NEBL: variants seen among roughly 807,000 people sequenced by gnomAD.
The protein encoded by NEBL is nebulette, also known as LIM and SH3 protein 2.
In NEBL, 122 loss-of-function variants were observed where a neutral mutation model predicts 140.2. The ratio of observed to expected loss-of-function variants is 0.87; its 90% CI spans 0.75 to 1.01. The LOEUF is 1.01. Ranked by LOEUF, NEBL falls within the 50% of genes least tolerant of loss-of-function variation. The pLI is 0.00. For synonymous variants in NEBL, 436 were observed against 398.9 expected (o/e 1.09, Z -1.11); for missense variants, 1,365 against 1,231.3 (o/e 1.11, Z -1.62).
At chr10:20,975,131 T>C (rs1836735894) in intron 3 of NEBL, among the ~76,000 whole-genome samples, 1 of 152,246 alleles carries the variant, frequency 6.6e-6, no homozygotes, top group African/African-American at 2.4e-5. Flanking sequence ...CATAGGACCA[T>C]TCTTTTTCCT....
intron 7 of NEBL, among the ~76,000 whole-genome samples, chr10:20,862,164 C>T: frequency 6.6e-6 from 1 of 152,132 alleles, no homozygotes; most frequent in Admixed American, 6.5e-5. Context: ...TTAAACTGAA[C>T]CACTAGAAGT....
At chr10:21,146,139 A>G (rs952879554) in intron 2 of NEBL, among the ~76,000 whole-genome samples, 5 of 152,194 alleles carry the variant, frequency 3.3e-5, no homozygotes, top group Admixed American at 3.3e-4. Context: ...GAAACTGTGC[A>G]TTGTTAAACA....
At chr10:20,789,886 CAT>C (rs10554894) in intron 26 of NEBL, among the ~76,000 whole-genome samples, 14,621 of 149,276 alleles carry the variant, frequency 0.098, 888 homozygotes, top group African/African-American at 0.16. Context: ...TACACACACA[CAT>C]ATATATATGT....
At chr10:21,258,906 C>A (rs1322536246) in intron 1 of NEBL, among the ~76,000 whole-genome samples, 1 of 151,968 alleles carries the variant, frequency 6.6e-6, no homozygotes, top group Non-Finnish European at 1.5e-5. Flanking sequence ...TTGGGTCAGG[C>A]AATGTTCTAG....
chr10:20,840,316 T>G (rs1218357496), intron 13 of NEBL, among the ~76,000 whole-genome samples: 2 of 152,078 alleles, frequency 1.3e-5, no homozygotes, highest in African/African-American at 2.4e-5. Flanking sequence ...GAAACCACTT[T>G]CATTTGATAA....
At position 20,859,821 on chromosome 10, in the gene NEBL, T is replaced by C. The variant is rs1843485848; in HGVS notation, c.690A>G (p.Lys230=). 2 of 1,440,564 alleles carry C rather than the reference T, an allele frequency of 1.4e-6. No individual in the cohort carries two copies. The highest frequency in any genetic ancestry group is 2.0e-6 in the Non-Finnish European group (2 of 1,025,580). The allele number at this position is 1,440,564 out of a possible 1,614,324, so 89.2% of individuals were successfully genotyped here. A position where few individuals can be genotyped will look rare whatever the true frequency, so the allele number is the denominator to read the frequency against. Residue 230 remains lysine, a synonymous_variant, in exon 8 of 28, where the codon AAA becomes AAG. Coordinates refer to ENST00000377122, the MANE Select transcript of NEBL (RefSeq NM_006393.3). ...TTTCATTATCAAATTTTTCTTTGTA[T>C]TTAATCTGTCATAAAAGAGAAATAG... The part of the protein sequence containing the change: ...VEASKLSSQI[K]YKEKFDNEMK...
intron 3 of NEBL, among the ~76,000 whole-genome samples, chr10:21,186,485 T>C (rs1024717015): frequency 4.2e-4 from 64 of 152,248 alleles, no homozygotes; most frequent in African/African-American, 1.4e-3. Context: ...GATGCTCCAG[T>C]CTGTGATATA....
chr10:21,058,895 G>A (rs1564496137), intron 2 of NEBL, among the ~76,000 whole-genome samples: 2 of 152,108 alleles, frequency 1.3e-5, no homozygotes, highest in African/African-American at 4.8e-5. Flanking sequence ...TATTAGGTTT[G>A]GCTCCTACTA....
At chr10:20,837,280 A>C (rs1373072942) in intron 13 of NEBL, among the ~76,000 whole-genome samples, 2 of 152,240 alleles carry the variant, frequency 1.3e-5, no homozygotes, top group Non-Finnish European at 2.9e-5. Context: ...CACATGAATT[A>C]TAAGAATGTG....
intron 9 of NEBL, 119 bp downstream of exon 9, chr10:20,858,121 A>G: frequency 1.3e-6 from 1 of 770,356 alleles, no homozygotes. Flanking sequence ...GAGTTAGTTA[A>G]CGAGGGAGGA....
At chr10:21,000,419 C>T (rs1464043820) in intron 3 of NEBL, among the ~76,000 whole-genome samples, 1 of 152,030 alleles carries the variant, frequency 6.6e-6, no homozygotes, top group African/African-American at 2.4e-5. Context: ...AGTCCCCTGT[C>T]AAAAGTGACT....
Position 20,859,720 on chromosome 10 carries a change from G to T in NEBL, c.791C>A (p.Ala264Glu), listed in dbSNP as rs548922223. The change falls in exon 8 of 28, where the codon GCG becomes GAG. Residue 264 changes from alanine (A) to glutamate (E), a missense_variant. By Grantham distance (107) the Ala-to-Glu change is moderately radical (BLOSUM62 -1). Coordinates refer to ENST00000377122, the MANE Select transcript of NEBL (RefSeq NM_006393.3). ...FRQNQLAATL[A>E]SNVKYKKDIQ... ...CTATGAATTACAACTTACATTGCTC[G>T]CCAGTGTAGCAGCAAGCTGATTCTG... 6 of 1,577,178 alleles carry T rather than the reference G, an allele frequency of 3.8e-6. No individual in the cohort carries two copies. In the East Asian group the frequency reaches 9.0e-5, roughly 24 times the overall value.
intron 2 of NEBL, among the ~76,000 whole-genome samples, chr10:21,046,316 A>T (rs1472218698): frequency 6.6e-6 from 1 of 152,198 alleles, no homozygotes. Context: ...CATCATGATG[A>T]CTACAGTTAA....
intron 5 of NEBL, 82 bp downstream of exon 5, chr10:20,880,712 T>C (rs899831605): frequency 4.7e-6 from 5 of 1,067,594 alleles, no homozygotes. Flanking sequence ...TTGTAATGTT[T>C]AAATTTCAGC....
chr10:20,934,026 T>C (rs1834341671), intron 4 of NEBL, among the ~76,000 whole-genome samples: 1 of 152,218 alleles, frequency 6.6e-6, no homozygotes, highest in Admixed American at 6.5e-5. Context: ...TATGTTTTCA[T>C]TAATGTTGAA....
chr10:21,100,637 C>G (rs1404211730), intron 2 of NEBL, among the ~76,000 whole-genome samples: 9 of 152,102 alleles, frequency 5.9e-5, no homozygotes, highest in Non-Finnish European at 1.3e-4. Flanking sequence ...TAGATCATTT[C>G]TAATTTTCTC....
At chr10:21,043,421 A>G (rs1439891138) in intron 2 of NEBL, among the ~76,000 whole-genome samples, 2 of 152,218 alleles carry the variant, frequency 1.3e-5, no homozygotes, top group East Asian at 3.8e-4. Flanking sequence ...TAAACAGGAT[A>G]ATTAGCTCTT....
At chr10:21,001,391 T>C (rs918997449) in intron 3 of NEBL, among the ~76,000 whole-genome samples, 7 of 152,236 alleles carry the variant, frequency 4.6e-5, no homozygotes, top group African/African-American at 1.4e-4. Flanking sequence ...GAGTTCTTCC[T>C]ATCAGAAAGA....
intron 2 of NEBL, among the ~76,000 whole-genome samples, chr10:21,126,907 G>A (rs368283236): frequency 8.0e-5 from 12 of 150,818 alleles, no homozygotes; most frequent in African/African-American, 2.9e-4. Flanking sequence ...CCCAGGGCGG[G>A]GAAGTTCTAG....
Sources: gnomAD v4.1 joint callset for allele counts (sites outside exome capture counted in the v4.1 genomes callset) on GRCh38, gnomAD v4.1.1 for gene constraint, MANE v1.5 for transcripts, NCBI Gene and HGNC (gene_info 2026-07-23, HGNC 2026-07-21) for gene names.